The following CNTN4 variants were observed in gnomAD, a reference collection of about 807,000 sequenced individuals.
CNTN4 encodes the protein contactin 4.
In CNTN4, 77 loss-of-function variants were observed where a neutral mutation model predicts 122.5. The observed-to-expected ratio is 0.63, with a 90% CI of 0.52 to 0.76. The LOEUF (loss-of-function observed/expected upper bound fraction) is 0.76, where lower values mean the gene tolerates loss of function less well. CNTN4 is among the 30% of genes least tolerant of loss of function. The pLI, the probability that CNTN4 is intolerant of heterozygous loss-of-function variation, is 0.00. For synonymous variants in CNTN4, 512 were observed against 447.0 expected (o/e 1.15, Z -1.83); for missense variants, 1,256 against 1,259.1 (o/e 1.00, Z 0.04).
Position 3,037,168 on chromosome 3 carries a change from T to C in CNTN4, c.1943-11T>C, listed in dbSNP as rs1699684883. The C allele has an allele frequency of 6.2e-7, 1 of 1,614,070 alleles. No homozygotes were observed. The highest frequency in any genetic ancestry group is 1.7e-5 in the Admixed American group (1 of 60,006). On this transcript the variant is annotated splice_polypyrimidine_tract_variant and intron_variant, in intron 17 of 24. Transcript: ENST00000418658. ...CCTATGAAACAGCCCCCACCTTTTG[T>C]TGTCTTTCAGTCCCAGAACTCATTG...
Position 2,866,872 on chromosome 3 carries a change from A to T in CNTN4, c.575A>T (p.Tyr192Phe), listed in dbSNP as rs2093729806. 1.9e-6 allele frequency: 3 copies of T among 1,614,074 alleles called. No individual in the cohort carries two copies. Among genetic ancestry groups the T allele is most frequent in the Non-Finnish European group, 2.5e-6 (3 of 1,179,940 alleles). Residue 192 changes from tyrosine to phenylalanine, a missense_variant, in exon 8 of 25, where the codon TAT (tyrosine) becomes TTT (phenylalanine). Tyr to Phe is a conservative substitution (Grantham distance 22). Coordinates refer to ENST00000418658, the MANE Select transcript of CNTN4 (RefSeq NM_175607.3). ...AKVEKSDVGN[Y>F]TCVVTNTVTN... ...GTAGAAAAATCAGATGTTGGGAATT[A>T]TACCTGTGTGGTTACCAATACCGTG...
At chr3:2,169,899 A>C (rs752425256) in intron 2 of CNTN4, among the ~76,000 whole-genome samples, 1 of 152,190 alleles carries the variant, frequency 6.6e-6, no homozygotes, top group South Asian at 2.1e-4. Flanking sequence ...AAATATTACT[A>C]TTTTCAGATT....
intron 2 of CNTN4, among the ~76,000 whole-genome samples, chr3:2,266,101 G>A (rs1608380): frequency 6.6e-6 from 1 of 152,010 alleles, no homozygotes; most frequent in South Asian, 2.1e-4. Context: ...CAGTACTATG[G>A]TGAATGGAAG....
intron 3 of CNTN4, among the ~76,000 whole-genome samples, chr3:2,453,887 T>C (rs1402828261): frequency 6.6e-6 from 1 of 152,168 alleles, no homozygotes; most frequent in Admixed American, 6.6e-5. Context: ...CAGCAAATCA[T>C]ATGAAACTGT....
intron 4 of CNTN4, among the ~76,000 whole-genome samples, chr3:2,579,089 A>G (rs151087067): frequency 2.7e-4 from 41 of 152,324 alleles, no homozygotes; most frequent in African/African-American, 7.7e-4. Flanking sequence ...GTTATTAGAA[A>G]TGTTCAATTT....
At chr3:2,271,565 A>G (rs9814534) in intron 2 of CNTN4, among the ~76,000 whole-genome samples, 3,500 of 152,222 alleles carry the variant, frequency 0.023, 124 homozygotes, top group African/African-American at 0.08. Flanking sequence ...TTAATGTTCT[A>G]TGTAATTACT....
At chr3:2,973,374 C>T (rs1300433087) in intron 13 of CNTN4, among the ~76,000 whole-genome samples, 9 of 152,082 alleles carry the variant, frequency 5.9e-5, no homozygotes, top group East Asian at 3.9e-4. Context: ...GACACAACCT[C>T]GAGACTAAAA....
At chr3:2,427,769 A>C (rs2047897889) in intron 3 of CNTN4, among the ~76,000 whole-genome samples, 1 of 151,978 alleles carries the variant, frequency 6.6e-6, no homozygotes, top group Non-Finnish European at 1.5e-5. Flanking sequence ...TATTGGGTGC[A>C]CATATATTTA....
chr3:2,660,106 A>G (rs2083806014), intron 4 of CNTN4, among the ~76,000 whole-genome samples: 1 of 152,204 alleles, frequency 6.6e-6, no homozygotes, highest in Non-Finnish European at 1.5e-5. Context: ...CTGACTGTGA[A>G]TAATCTATGT....
intron 15 of CNTN4, among the ~76,000 whole-genome samples, chr3:3,026,578 G>A (rs1698740160): frequency 6.6e-6 from 1 of 152,046 alleles, no homozygotes; most frequent in South Asian, 2.1e-4. Context: ...CTGAATTGTG[G>A]AACTCAGCTT....
In CNTN4 at chr3:2,883,130, T is replaced by C. The variant is rs1420652705; in HGVS notation, c.653-15T>C. On this transcript the variant is annotated splice_polypyrimidine_tract_variant and intron_variant, in intron 8 of 24. Coordinates refer to ENST00000418658, the MANE Select transcript of CNTN4 (RefSeq NM_175607.3). ...AAAAGAATCTCCAAGACTTAGCCCC[T>C]TTATTTATTCACAGGAGTGATGGGT... 6.3e-7 allele frequency: 1 copy of C among 1,583,346 alleles called. No individual in the cohort carries two copies.
At chr3:2,262,056 C>T (rs562581563) in intron 2 of CNTN4, among the ~76,000 whole-genome samples, 6 of 152,122 alleles carry the variant, frequency 3.9e-5, no homozygotes, top group South Asian at 2.1e-4. Flanking sequence ...CAGAGTTTGC[C>T]CTGTTCTTAT....
At chr3:2,111,061 T>C (rs2032914669) in intron 2 of CNTN4, among the ~76,000 whole-genome samples, 1 of 152,174 alleles carries the variant, frequency 6.6e-6, no homozygotes, top group African/African-American at 2.4e-5. Flanking sequence ...TTCTATTTTT[T>C]TCCAGCACAT....
At chr3:2,916,191 C>G (rs183299055) in intron 12 of CNTN4, among the ~76,000 whole-genome samples, 1 of 151,424 alleles carries the variant, frequency 6.6e-6, no homozygotes, top group Non-Finnish European at 1.5e-5. Context: ...CTTTTTTTTT[C>G]TTTTTCTTTT....
intron 7 of CNTN4, among the ~76,000 whole-genome samples, chr3:2,833,569 AT>A (rs1559555824): frequency 6.6e-6 from 1 of 152,086 alleles, no homozygotes; most frequent in Non-Finnish European, 1.5e-5. Flanking sequence ...GTAAAAACAT[AT>A]TGTACTTTCT....
At chr3:2,513,994 A>G (rs2076967501) in intron 3 of CNTN4, among the ~76,000 whole-genome samples, 1 of 152,208 alleles carries the variant, frequency 6.6e-6, no homozygotes, top group South Asian at 2.1e-4. Flanking sequence ...CATGCATACA[A>G]ATCTACCCAA....
At chr3:2,335,344 T>G (rs1559463667) in intron 2 of CNTN4, among the ~76,000 whole-genome samples, 1 of 152,096 alleles carries the variant, frequency 6.6e-6, no homozygotes, top group South Asian at 2.1e-4. Context: ...CTGCATAGTA[T>G]GAACTGGGCA....
intron 4 of CNTN4, among the ~76,000 whole-genome samples, chr3:2,707,116 A>G (rs1450520332): frequency 2.0e-5 from 3 of 151,936 alleles, no homozygotes; most frequent in Admixed American, 6.6e-5. Flanking sequence ...TCTGGGTGAC[A>G]TGGTGAAACT....
intron 6 of CNTN4, among the ~76,000 whole-genome samples, chr3:2,782,698 G>C (rs1021547199): frequency 6.6e-6 from 1 of 152,138 alleles, no homozygotes; most frequent in Non-Finnish European, 1.5e-5. Context: ...ACTTCACTTT[G>C]AAAATCTTTT....
Sources: allele counts gnomAD v4.1 joint callset (sites outside exome capture counted in the v4.1 genomes callset), GRCh38; gene constraint gnomAD v4.1.1; transcripts MANE v1.5; gene names NCBI Gene and HGNC (gene_info 2026-07-23, HGNC 2026-07-21).